Variants in NRXN3 observed in about 807,000 individuals in gnomAD.
The protein encoded by NRXN3 is neurexin 3, also known as neurexin III.
Under a neutral mutation model 137.6 loss-of-function variants are expected in NRXN3, and 32 were observed. That is an observed-to-expected ratio of 0.23 (90% CI 0.18 to 0.31). The LOEUF is 0.31. NRXN3 is among the 10% of genes least tolerant of loss of function. The probability of loss-of-function intolerance (pLI) is 1.00; values close to 1 mark genes in which losing one functional copy is unlikely to be tolerated. For synonymous variants in NRXN3, 798 were observed against 784.5 expected (o/e 1.02, Z -0.29); for missense variants, 1,574 against 2,062.5 (o/e 0.76, Z 4.59).
chr14:79,156,552 AT>A (rs35027667), intron 15 of NRXN3, among the ~76,000 whole-genome samples: 2 of 150,740 alleles, frequency 1.3e-5, no homozygotes, highest in African/African-American at 2.4e-5. Context: ...ACCATTCTGG[AT>A]TTTTTTTTCA....
chr14:78,343,143 A>G (rs2082324652), intron 4 of NRXN3, among the ~76,000 whole-genome samples: 1 of 152,184 alleles, frequency 6.6e-6, no homozygotes, highest in Non-Finnish European at 1.5e-5. Context: ...CTTGAGAACC[A>G]TGAGTATAAT....
chr14:78,492,466 G>C (rs1023532389), intron 4 of NRXN3, among the ~76,000 whole-genome samples: 3 of 152,172 alleles, frequency 2.0e-5, no homozygotes, highest in Non-Finnish European at 4.4e-5. Context: ...TTAGTTCCTA[G>C]CTTTGATAAG....
intron 15 of NRXN3, among the ~76,000 whole-genome samples, chr14:79,072,702 A>T (rs2099689522): frequency 6.6e-6 from 1 of 152,168 alleles, no homozygotes; most frequent in Admixed American, 6.5e-5. Flanking sequence ...TGCACATACA[A>T]ATGATTAGTT....
At chr14:79,034,475 G>A (rs184412093) in intron 15 of NRXN3, among the ~76,000 whole-genome samples, 5 of 151,990 alleles carry the variant, frequency 3.3e-5, no homozygotes, top group Admixed American at 1.3e-4. Flanking sequence ...GGGGCAAGTC[G>A]CTTAACTGTC....
chr14:78,933,783 A>G (rs2152878972), intron 10 of NRXN3, among the ~76,000 whole-genome samples: 1 of 152,282 alleles, frequency 6.6e-6, no homozygotes, highest in Non-Finnish European at 1.5e-5. Context: ...AGAACATTTC[A>G]CATCCACTCT....
At chr14:78,440,533 T>C (rs8015539) in intron 4 of NRXN3, among the ~76,000 whole-genome samples, 20,619 of 152,034 alleles carry the variant, frequency 0.14, 2,304 homozygotes, top group African/African-American at 0.3. Context: ...CACTCGTGCA[T>C]AGGTTCCTAG....
At chr14:79,069,902 G>C (rs143144367) in intron 15 of NRXN3, among the ~76,000 whole-genome samples, 61 of 152,278 alleles carry the variant, frequency 4.0e-4, no homozygotes, top group Middle Eastern at 3.4e-3. Flanking sequence ...TGCCATAGAT[G>C]AAAGTCATAT....
chr14:79,393,772 T>C (rs2094931323), intron 15 of NRXN3, among the ~76,000 whole-genome samples: 1 of 152,072 alleles, frequency 6.6e-6, no homozygotes, highest in South Asian at 2.1e-4. Flanking sequence ...CCCAGATTGC[T>C]GCCACTGCAC....
At chr14:78,810,760 C>T (rs939087378) in intron 10 of NRXN3, among the ~76,000 whole-genome samples, 1 of 152,152 alleles carries the variant, frequency 6.6e-6, no homozygotes, top group African/African-American at 2.4e-5. Context: ...GTTCTTGACC[C>T]ACAGGTGGCT....
intron 4 of NRXN3, among the ~76,000 whole-genome samples, chr14:78,335,495 A>G (rs1234826138): frequency 6.6e-6 from 1 of 152,242 alleles, no homozygotes; most frequent in Non-Finnish European, 1.5e-5. Flanking sequence ...TGCACCTGGC[A>G]GGTGTTTAGT....
chr14:79,017,887 GA>G (rs2099581945), intron 15 of NRXN3, among the ~76,000 whole-genome samples: 2 of 152,128 alleles, frequency 1.3e-5, no homozygotes, highest in South Asian at 4.2e-4. Context: ...AAAGAACTGA[GA>G]AAATCAGGAG....
chr14:78,475,923 C>G (rs146395921), intron 4 of NRXN3, among the ~76,000 whole-genome samples: 18 of 151,910 alleles, frequency 1.2e-4, no homozygotes, highest in African/African-American at 2.9e-4. Flanking sequence ...ACCAAGTAGA[C>G]ATAAAGCTTA....
At chr14:78,303,961 C>G (rs1367285460) in intron 4 of NRXN3, among the ~76,000 whole-genome samples, 3 of 152,134 alleles carry the variant, frequency 2.0e-5, no homozygotes, top group Non-Finnish European at 4.4e-5. Flanking sequence ...CAGAGTCGTA[C>G]TTAATGAATG....
intron 8 of NRXN3, among the ~76,000 whole-genome samples, chr14:78,726,515 CTTTTTTTT>C (rs71452901): frequency 2.9e-5 from 3 of 102,456 alleles, no homozygotes; most frequent in Admixed American, 1.3e-4. Flanking sequence ...ACCATTTTAG[CTTTTTTTT>C]TTTTTTTTTT....
chr14:78,243,668 G>A lies in NRXN3; in HGVS notation c.575G>A (p.Arg192Gln), dbSNP rs539329038. 64 of 1,598,400 alleles carry A rather than the reference G, an allele frequency of 4.0e-5. No individual in the cohort carries two copies. The highest frequency in any genetic ancestry group is 4.9e-5 in the Non-Finnish European group (58 of 1,179,806). ...GNSEPRLLGS[R>Q]GVQMDAEGPC... ...TCGGAGCCTCGGCTTCTGGGGAGCC[G>A]GGGTGTCCAGATGGATGCCGAGGGA... Residue 192 changes from arginine (R) to glutamine (Q), a missense_variant, in exon 2 of 21, where the codon CGG becomes CAG. Transcript: ENST00000335750. This position sits in a 1 kb window ranked among gnomAD's most constrained non-coding sequence, Gnocchi z 4.2.
At chr14:79,624,862 C>A (rs1394511319) in intron 16 of NRXN3, among the ~76,000 whole-genome samples, 1 of 147,436 alleles carries the variant, frequency 6.8e-6, no homozygotes, top group Non-Finnish European at 1.5e-5. Flanking sequence ...GGAGTACAGT[C>A]ACATGATTCC....
chr14:79,758,826 A>G (rs1349809860), intron 19 of NRXN3, among the ~76,000 whole-genome samples: 3 of 152,134 alleles, frequency 2.0e-5, no homozygotes, highest in Non-Finnish European at 4.4e-5. Context: ...GCATTATTCA[A>G]AAACCTTTTT....
At chr14:78,766,077 C>T (rs972556932) in intron 8 of NRXN3, among the ~76,000 whole-genome samples, 1 of 152,174 alleles carries the variant, frequency 6.6e-6, no homozygotes, top group Non-Finnish European at 1.5e-5. Context: ...GAGATAACTC[C>T]AGTGAGAGAA....
At chr14:78,197,673 T>C (rs879683809) in intron 1 of NRXN3, among the ~76,000 whole-genome samples, 1 of 152,202 alleles carries the variant, frequency 6.6e-6, no homozygotes, top group Non-Finnish European at 1.5e-5. Context: ...GCTCCCCACA[T>C]CTTGATGGAA....
Sources: gnomAD v4.1 joint callset for allele counts (sites outside exome capture counted in the v4.1 genomes callset) on GRCh38, gnomAD v4.1.1 for gene constraint, Gnocchi (gnomAD v3.1) non-coding constraint, MANE v1.5 for transcripts, NCBI Gene and HGNC (gene_info 2026-07-23, HGNC 2026-07-21) for gene names.